SLC11A2: variants seen among roughly 807,000 people sequenced by gnomAD.
SLC11A2 encodes the protein natural resistance-associated macrophage protein 2.
Under a neutral mutation model 68.0 loss-of-function variants are expected in SLC11A2, and 38 were observed. The observed-to-expected ratio is 0.56, with a 90% CI of 0.43 to 0.73. The LOEUF is 0.73. Ranked by LOEUF, SLC11A2 falls within the 30% of genes least tolerant of loss-of-function variation. SLC11A2 has a pLI of 0.00. For synonymous variants in SLC11A2, 242 were observed against 250.6 expected, an observed-to-expected ratio of 0.97 and a Z score of 0.32; for missense variants, 517 against 690.5, an observed-to-expected ratio of 0.75 and a Z score of 2.82.
the SLC11A2 span, among the ~76,000 whole-genome samples, chr12:50,964,139 G>C: frequency 4.1e-5 from 6 of 147,476 alleles, no homozygotes; most frequent in East Asian, 2.0e-4. Context: ...AATGGACGTG[G>C]GGAATAGAAA....
Position 50,986,353 on chromosome 12 carries a change from A to G in SLC11A2, c.*1972T>C. 7.8e-7 allele frequency: 1 copy of G among 1,281,800 alleles called. No homozygotes were observed. Among genetic ancestry groups the G allele is most frequent in the Non-Finnish European group, 1.0e-6 (1 of 983,736 alleles). The allele number at this position is 1,281,800 out of a possible 1,614,324, so 79.4% of individuals were successfully genotyped here. The stretch of plus-strand genomic sequence containing the variant: ...CTTTCTGTGAAGATCAAATGCAATA[A>G]CGTATGAGGGTATTTTTAACACTGT... On this transcript the variant is annotated 3_prime_UTR_variant, in exon 16 of 16. Coordinates refer to ENST00000262052, the MANE Select transcript of SLC11A2 (RefSeq NM_000617.3).
At chr12:50,973,762 A>G in the SLC11A2 span, among the ~76,000 whole-genome samples, 1 of 152,216 alleles carries the variant, frequency 6.6e-6, no homozygotes, top group Non-Finnish European at 1.5e-5. Flanking sequence ...ACGAATGGCT[A>G]ACTAGAATCA....
intron 8 of SLC11A2, 101 bp downstream of exon 8, chr12:50,999,059 CACCCACTATAAGTG>C: frequency 1.1e-6 from 1 of 883,650 alleles, no homozygotes; most frequent in Non-Finnish European, 1.8e-6. Context: ...TTTGTTGATA[CACCCACTATAAGTG>C]AATCATACTA....
In SLC11A2 at chr12:50,988,007, G is replaced by C. The variant is rs1472793134; in HGVS notation, c.*318C>G. ...TTTTTTTAACATATAGCCTGGTTAA[G>C]AATCATGCATATCCTTGTCTCTCCG... On this transcript the variant is annotated 3_prime_UTR_variant, in exon 16 of 16. Transcript: ENST00000262052. The C allele has an allele frequency of 3.7e-6, 5 of 1,336,222 alleles. No homozygotes were observed. The Admixed American group carries it at 8.9e-5, about 24-fold the overall frequency. The allele number at this position is 1,336,222 out of a possible 1,614,324, so 82.8% of individuals were successfully genotyped here.
At chr12:51,004,157 T>C (rs977298848) in intron 5 of SLC11A2, among the ~76,000 whole-genome samples, 2 of 152,164 alleles carry the variant, frequency 1.3e-5, no homozygotes, top group Admixed American at 1.3e-4. Context: ...ATAAGGATAC[T>C]TTTTGCTCAC....
chr12:51,007,530 T>C (rs571954461), intron 3 of SLC11A2, among the ~76,000 whole-genome samples: 15 of 152,146 alleles, frequency 9.9e-5, no homozygotes, highest in African/African-American at 3.4e-4. Flanking sequence ...AGACAGGGTT[T>C]CACCATGTTA....
chr12:50,969,670 C>G, the SLC11A2 span, among the ~76,000 whole-genome samples: 1 of 150,728 alleles, frequency 6.6e-6, no homozygotes. Flanking sequence ...TTGTACCACT[C>G]CAGCCTGGGT....
chr12:50,979,070 TG>T (rs1283636849), downstream of SLC11A2, among the ~76,000 whole-genome samples: 4 of 152,322 alleles, frequency 2.6e-5, no homozygotes, highest in African/African-American at 9.6e-5. Flanking sequence ...AGGAATTAAG[TG>T]AATGCACTCA....
At chr12:50,964,356 T>G in the SLC11A2 span, among the ~76,000 whole-genome samples, 4 of 152,224 alleles carry the variant, frequency 2.6e-5, no homozygotes, top group East Asian at 7.7e-4. Context: ...GACCCAAACC[T>G]TCATTCCTTC....
At chr12:50,967,219 TATCCTCCTGCCTCTTCTGGGCTTAAGAG>T in the SLC11A2 span, among the ~76,000 whole-genome samples, 17 of 152,096 alleles carry the variant, frequency 1.1e-4, no homozygotes, top group Non-Finnish European at 2.1e-4. Flanking sequence ...GGGCTCAAGA[TATCCTCCTGCCTCTTCTGGGCTTAAGAG>T]ATCCTCCTGC....
intron 9 of SLC11A2, among the ~76,000 whole-genome samples, chr12:50,996,433 G>A (rs1034232480): frequency 3.9e-5 from 6 of 152,096 alleles, no homozygotes; most frequent in Non-Finnish European, 5.9e-5. Context: ...AAATTAGCCA[G>A]GCATGGTGGT....
chr12:51,019,821 T>C (rs576263531), intron 1 of SLC11A2, among the ~76,000 whole-genome samples: 4 of 151,904 alleles, frequency 2.6e-5, no homozygotes, highest in Admixed American at 6.6e-5. Flanking sequence ...ATTTTTGTAT[T>C]TGTTGTAGAG....
intron 6 of SLC11A2, among the ~76,000 whole-genome samples, chr12:51,000,065 A>C (rs1942070389): frequency 6.6e-6 from 1 of 152,140 alleles, no homozygotes; most frequent in Non-Finnish European, 1.5e-5. Context: ...ATAAAATGAC[A>C]TACAAATCAA....
the SLC11A2 span, among the ~76,000 whole-genome samples, chr12:50,969,719 A>ACC: frequency 6.6e-6 from 1 of 151,466 alleles, no homozygotes; most frequent in African/African-American, 2.4e-5. Flanking sequence ...AAAAAAACAA[A>ACC]AACAAAACGT....
intron 2 of SLC11A2, among the ~76,000 whole-genome samples, chr12:51,010,117 G>A (rs1943082022): frequency 6.6e-6 from 1 of 151,946 alleles, no homozygotes; most frequent in Non-Finnish European, 1.5e-5. Flanking sequence ...CGGGGAGGCG[G>A]AGGTTGCAGT....
the SLC11A2 span, among the ~76,000 whole-genome samples, chr12:50,973,122 C>A: frequency 1.3e-5 from 2 of 152,174 alleles, no homozygotes; most frequent in East Asian, 3.9e-4. Flanking sequence ...ATGTCCCTGT[C>A]TGACAGCTTG....
the SLC11A2 span, among the ~76,000 whole-genome samples, chr12:50,954,769 T>C: frequency 6.6e-6 from 1 of 152,088 alleles, no homozygotes; most frequent in African/African-American, 2.4e-5. Context: ...AACTTCTGCA[T>C]CTAATGTTTT....
At chr12:51,028,113 G>A (rs1192393023), upstream of SLC11A2, 11 of 1,023,550 alleles carry the variant, frequency 1.1e-5, no homozygotes, top group Non-Finnish European at 1.5e-5. Context: ...AAATAAAATT[G>A]CTAGAGCTGT....
upstream of SLC11A2, among the ~76,000 whole-genome samples, chr12:51,027,219 G>C (rs1944429943): frequency 6.6e-6 from 1 of 151,534 alleles, no homozygotes; most frequent in Non-Finnish European, 1.5e-5. Context: ...GCCCGCCTGT[G>C]GTCCCAGCTA....
Sources: gnomAD v4.1 joint callset for allele counts (sites outside exome capture counted in the v4.1 genomes callset) on GRCh38, gnomAD v4.1.1 for gene constraint, MANE v1.5 for transcripts, NCBI Gene and HGNC (gene_info 2026-07-23, HGNC 2026-07-21) for gene names.